Variants in ITPK1 observed in about 807,000 individuals in gnomAD.
ITPK1 encodes the protein inositol-tetrakisphosphate 1-kinase.
ITPK1 carries 21 observed loss-of-function variants against 45.3 expected under a neutral mutation model. The ratio of observed to expected loss-of-function variants is 0.46; its 90% CI spans 0.33 to 0.67. The LOEUF is 0.67. ITPK1 is among the 30% of genes least tolerant of loss of function. The pLI is 0.02. For missense variants in ITPK1, 474 were observed against 573.5 expected (o/e 0.83, Z 1.77); for synonymous variants, 258 against 253.6 (o/e 1.02, Z -0.16).
chr14:93,020,598 C>T (rs143417902), intron 3 of ITPK1, among the ~76,000 whole-genome samples: 263 of 152,306 alleles, frequency 1.7e-3, no homozygotes, highest in African/African-American at 5.8e-3. Context: ...CTTTGCACGT[C>T]GCTCCAGGAT....
intron 5 of ITPK1, among the ~76,000 whole-genome samples, chr14:92,982,415 C>T (rs1886279892): frequency 6.6e-6 from 1 of 152,186 alleles, no homozygotes; most frequent in Non-Finnish European, 1.5e-5. Context: ...CTGTGGCCGC[C>T]TTGCAAGTAG....
At chr14:92,983,439 G>A (rs1886325961) in intron 5 of ITPK1, among the ~76,000 whole-genome samples, 1 of 152,096 alleles carries the variant, frequency 6.6e-6, no homozygotes, top group South Asian at 2.1e-4. Flanking sequence ...TCATGAACCC[G>A]TCCACAATTT....
intron 3 of ITPK1, chr14:93,066,401 G>T: frequency 2.9e-6 from 1 of 346,294 alleles, no homozygotes; most frequent in Non-Finnish European, 5.7e-6. Context: ...GTGACATTTA[G>T]CAATTCTTTT....
chr14:93,074,866 T>TG (rs2139980270), intron 3 of ITPK1, among the ~76,000 whole-genome samples: 1 of 152,210 alleles, frequency 6.6e-6, no homozygotes, highest in South Asian at 2.1e-4. Context: ...CCTGTACCCC[T>TG]GGCAGGCACT....
At chr14:93,090,873 A>C (rs1891840638) in intron 2 of ITPK1, among the ~76,000 whole-genome samples, 1 of 152,054 alleles carries the variant, frequency 6.6e-6, no homozygotes, top group South Asian at 2.1e-4. Flanking sequence ...ACACTCCATC[A>C]TTTCCATCAC....
chr14:92,938,601 G>C lies in ITPK1; in HGVS notation c.*2960C>G. The C allele has an allele frequency of 8.0e-7, 1 of 1,250,138 alleles. No individual in the cohort carries two copies. The highest frequency in any genetic ancestry group is 1.2e-5 in the South Asian group (1 of 80,996). 77.4% of individuals were successfully genotyped at this position (1,250,138 alleles called of 1,614,324 possible). ...CAGGCATGAGACACAGGCAGGCCCAGGCACAGGAAGCCCCATGGAACCTGC... is the reference window on the plus strand; with the variant it reads ...CAGGCATGAGACACAGGCAGGCCCACGCACAGGAAGCCCCATGGAACCTGC... On this transcript the variant is annotated 3_prime_UTR_variant, in exon 11 of 11. Transcript: ENST00000267615.
At chr14:93,065,396 C>T (rs1426098230) in intron 3 of ITPK1, among the ~76,000 whole-genome samples, 1 of 152,200 alleles carries the variant, frequency 6.6e-6, no homozygotes, top group Non-Finnish European at 1.5e-5. Context: ...GTGGAGGTGG[C>T]ACCAGTAAAT....
intron 3 of ITPK1, among the ~76,000 whole-genome samples, chr14:93,061,927 G>C (rs1890541073): frequency 6.6e-6 from 1 of 152,218 alleles, no homozygotes; most frequent in Non-Finnish European, 1.5e-5. Flanking sequence ...GAAGCTCTAA[G>C]AGAATGCTAA....
rs900549636 is a variant in ITPK1 at position 92,968,626 on chromosome 14, G to A, written c.365-5777C>T. ...CAAGAACAAGACATTTTCAAAGAATGGGCCACATCCAGCATCAGGCCAGAC... is the reference window on the plus strand; with the variant it reads ...CAAGAACAAGACATTTTCAAAGAATAGGCCACATCCAGCATCAGGCCAGAC... On this transcript the variant is annotated intron_variant, in intron 5 of 10. Coordinates refer to ENST00000267615, the MANE Select transcript of ITPK1 (RefSeq NM_014216.6). Among the ~76,000 whole-genome samples, 45 of 152,184 alleles carry A rather than the reference G, an allele frequency of 3.0e-4. 1 individual carries two copies. Among genetic ancestry groups the A allele is most frequent in the Non-Finnish European group, 8.8e-5 (6 of 68,040 alleles).
At chr14:93,077,800 G>A (rs1023254043) in intron 2 of ITPK1, among the ~76,000 whole-genome samples, 2 of 152,128 alleles carry the variant, frequency 1.3e-5, no homozygotes, top group Admixed American at 6.5e-5. Flanking sequence ...CCACTGTCTC[G>A]GCCCTTTGTT....
At chr14:93,085,115 G>A (rs1891596188) in intron 2 of ITPK1, among the ~76,000 whole-genome samples, 1 of 152,254 alleles carries the variant, frequency 6.6e-6, no homozygotes, top group Admixed American at 6.5e-5. Context: ...CGGCATCTTG[G>A]TTTACTTGCT....
Position 93,034,615 on chromosome 14 carries a change from C to G in ITPK1, c.121-17814G>C, listed in dbSNP as rs1255687588. 6.6e-6 allele frequency among the ~76,000 whole-genome samples: 1 copy of G among 152,246 alleles called. No individual in the cohort carries two copies. The highest frequency in any genetic ancestry group is 2.4e-5 in the African/African-American group (1 of 41,476). On this transcript the variant is annotated intron_variant, in intron 3 of 10. Transcript: ENST00000267615. This position sits in a 1 kb window ranked among gnomAD's most constrained non-coding sequence, Gnocchi z 4.1. ...TGGGGGCCCCTGGGACCTCCCACAT[C>G]CTGCATGAAGGTGGGGACTCAGTGA... is the stretch of plus-strand genomic sequence containing the variant.
chr14:93,072,684 A>G (rs1317497501), intron 3 of ITPK1, among the ~76,000 whole-genome samples: 1 of 149,302 alleles, frequency 6.7e-6, no homozygotes, highest in Admixed American at 6.7e-5. Context: ...GCACGATCTC[A>G]GTTCACTGCA....
intron 3 of ITPK1, among the ~76,000 whole-genome samples, chr14:93,033,269 A>G (rs1205049257): frequency 6.6e-6 from 1 of 152,164 alleles, no homozygotes; most frequent in Non-Finnish European, 1.5e-5. Flanking sequence ...AGATAAACCA[A>G]CTGTGCATTG....
intron 2 of ITPK1, among the ~76,000 whole-genome samples, chr14:93,086,753 C>T (rs1325640665): frequency 6.6e-6 from 1 of 152,242 alleles, no homozygotes; most frequent in Non-Finnish European, 1.5e-5. Context: ...TAGAGAAGGC[C>T]TGCTAAGCAC....
chr14:93,039,572 C>A (rs1205831962), intron 3 of ITPK1, among the ~76,000 whole-genome samples: 5 of 152,176 alleles, frequency 3.3e-5, no homozygotes, highest in Non-Finnish European at 7.4e-5. Context: ...GTGTCAGATC[C>A]CCAGACTCTG....
At position 93,106,060 on chromosome 14, in the gene ITPK1, G is replaced by A. The variant is rs1168435846; in HGVS notation, c.95+9009C>T. On this transcript the variant is annotated intron_variant, in intron 2 of 10. Transcript: ENST00000267615. ...CAAACAAGTAACTTGGAGGAAGATCGATGACTGCCAAAGAGCACACAGGTC... is the reference window on the plus strand; with the variant it reads ...CAAACAAGTAACTTGGAGGAAGATCAATGACTGCCAAAGAGCACACAGGTC... 2.6e-5 allele frequency among the ~76,000 whole-genome samples: 4 copies of A among 152,118 alleles called. No homozygotes were observed. In the East Asian group the frequency reaches 5.8e-4, roughly 22 times the overall value.
chr14:92,936,976 A>G lies in ITPK1; in HGVS notation c.*4585T>C, dbSNP rs1001873541. The G allele has an allele frequency of 1.3e-5, 2 of 152,180 alleles. No homozygotes were observed. Among genetic ancestry groups the G allele is most frequent in the African/African-American group, 4.8e-5 (2 of 41,416 alleles). 9.4% of individuals were successfully genotyped at this position (152,180 alleles called of 1,614,324 possible). ...AAAGTTAGGTTTATACTCCACCCCT[A>G]CAGTTACAGAAATAAACACAACATT... On this transcript the variant is annotated 3_prime_UTR_variant, in exon 11 of 11. Coordinates refer to ENST00000267615, the MANE Select transcript of ITPK1 (RefSeq NM_014216.6).
intron 10 of ITPK1, among the ~76,000 whole-genome samples, chr14:92,942,250 G>A (rs1304032406): frequency 1.3e-5 from 2 of 152,172 alleles, no homozygotes; most frequent in Non-Finnish European, 2.9e-5. Context: ...GCCAGTACAT[G>A]TGCAGGGGAT....
Sources: allele counts gnomAD v4.1 joint callset (sites outside exome capture counted in the v4.1 genomes callset), GRCh38; gene constraint gnomAD v4.1.1; non-coding constraint Gnocchi (gnomAD v3.1); transcripts MANE v1.5; gene names NCBI Gene and HGNC (gene_info 2026-07-23, HGNC 2026-07-21).